HS6ST3: variants seen among roughly 807,000 people sequenced by gnomAD.
The protein encoded by HS6ST3 is heparan sulfate 6-O-sulfotransferase 3.
In HS6ST3, 12 loss-of-function variants were observed where a neutral mutation model predicts 36.7. The observed-to-expected ratio is 0.33, with a 90% confidence interval of 0.21 to 0.53. The LOEUF (loss-of-function observed/expected upper bound fraction) is 0.53, where lower values mean the gene tolerates loss of function less well. HS6ST3 is among the 20% of genes least tolerant of loss of function. The pLI is 0.95. For missense variants in HS6ST3, 584 were observed against 640.9 expected (o/e 0.91, Z 0.96); for synonymous variants, 240 against 257.5 (o/e 0.93, Z 0.65).
intron 1 of HS6ST3, among the ~76,000 whole-genome samples, chr13:96,260,597 C>A (rs2054661030): frequency 6.6e-6 from 1 of 151,308 alleles, no homozygotes; most frequent in Non-Finnish European, 1.5e-5. Flanking sequence ...GGATTACAGG[C>A]AGGAGCCACC....
chr13:96,247,869 G>A (rs943815056), intron 1 of HS6ST3, among the ~76,000 whole-genome samples: 2 of 152,074 alleles, frequency 1.3e-5, no homozygotes, highest in African/African-American at 4.8e-5. Context: ...GTTAATGTGA[G>A]GGTCATTTTA....
At chr13:96,697,933 G>A (rs1024864269) in intron 1 of HS6ST3, among the ~76,000 whole-genome samples, 6 of 151,984 alleles carry the variant, frequency 3.9e-5, no homozygotes, top group African/African-American at 7.3e-5. Flanking sequence ...GTTATCTTTC[G>A]GTGGCAAAGT....
intron 1 of HS6ST3, among the ~76,000 whole-genome samples, chr13:96,695,424 T>C (rs757894423): frequency 2.4e-4 from 37 of 152,156 alleles, no homozygotes; most frequent in Middle Eastern, 3.2e-3. Flanking sequence ...CGAAAGATTT[T>C]AGAAAGTACT....
At chr13:96,287,413 GA>G (rs914698948) in intron 1 of HS6ST3, among the ~76,000 whole-genome samples, 1 of 151,964 alleles carries the variant, frequency 6.6e-6, no homozygotes, top group African/African-American at 2.4e-5. Flanking sequence ...GCTATTTTAA[GA>G]TATTTAAAGA....
At chr13:96,644,403 G>A (rs1423469199) in intron 1 of HS6ST3, among the ~76,000 whole-genome samples, 1 of 151,934 alleles carries the variant, frequency 6.6e-6, no homozygotes, top group Non-Finnish European at 1.5e-5. Flanking sequence ...GGTATATGAA[G>A]CCCCAGTGAG....
intron 1 of HS6ST3, among the ~76,000 whole-genome samples, chr13:96,440,098 G>C (rs963439802): frequency 6.6e-6 from 1 of 152,130 alleles, no homozygotes; most frequent in African/African-American, 2.4e-5. Context: ...GTGTATGTTT[G>C]TTTGTTTGTT....
chr13:96,486,031 C>G lies in HS6ST3; in HGVS notation c.708-346459C>G, dbSNP rs576017823. Among the ~76,000 whole-genome samples, 964 of 116,834 alleles carry G rather than the reference C, an allele frequency of 8.3e-3. 16 individuals are homozygous for G. Among genetic ancestry groups the G allele is most frequent in the African/African-American group, 0.032 (933 of 29,440 alleles). 76.6% of individuals were successfully genotyped at this position (116,834 alleles called of 152,430 possible). ...CCTCCCCCCTCCCCCCACCCCACAA[C>G]AGGCCCCGGTGTGTGATGTTCCCCT... On this transcript the variant is annotated intron_variant, in intron 1 of 1. Transcript: ENST00000376705.
At chr13:96,545,892 G>A (rs1026051896) in intron 1 of HS6ST3, among the ~76,000 whole-genome samples, 1 of 152,108 alleles carries the variant, frequency 6.6e-6, no homozygotes, top group African/African-American at 2.4e-5. Flanking sequence ...AATGTCTGCT[G>A]AACTCTACAT....
chr13:96,459,720 T>G (rs558944275), intron 1 of HS6ST3, among the ~76,000 whole-genome samples: 1 of 152,202 alleles, frequency 6.6e-6, no homozygotes, highest in Admixed American at 6.5e-5. Context: ...GTACACACAT[T>G]AGCTACAGCT....
chr13:96,750,664 C>T (rs1349551249), intron 1 of HS6ST3, among the ~76,000 whole-genome samples: 1 of 152,152 alleles, frequency 6.6e-6, no homozygotes, highest in Non-Finnish European at 1.5e-5. Context: ...AGTCTGACCC[C>T]TATGCCTTCT....
At chr13:96,468,473 CACAT>C (rs55886509) in intron 1 of HS6ST3, among the ~76,000 whole-genome samples, 35,785 of 95,626 alleles carry the variant, frequency 0.37, 5,080 homozygotes, top group Non-Finnish European at 0.46. Flanking sequence ...AGGACATACA[CACAT>C]ACACACACAC....
intron 1 of HS6ST3, among the ~76,000 whole-genome samples, chr13:96,823,576 C>T (rs979270793): frequency 6.6e-6 from 1 of 151,944 alleles, no homozygotes; most frequent in African/African-American, 2.4e-5. Flanking sequence ...ATATATTTAA[C>T]TGTGCCTATG....
At chr13:96,553,784 T>A (rs1258660620) in intron 1 of HS6ST3, among the ~76,000 whole-genome samples, 4 of 152,190 alleles carry the variant, frequency 2.6e-5, no homozygotes, top group Non-Finnish European at 4.4e-5. Flanking sequence ...GTGCTTAGTT[T>A]TACACAGGGT....
intron 1 of HS6ST3, among the ~76,000 whole-genome samples, chr13:96,741,123 T>C (rs1006247109): frequency 6.6e-6 from 1 of 152,222 alleles, no homozygotes; most frequent in African/African-American, 2.4e-5. Flanking sequence ...CAGAAATGTC[T>C]TCTTTTAGAA....
chr13:96,700,685 T>C (rs1276251450), intron 1 of HS6ST3, among the ~76,000 whole-genome samples: 2 of 152,226 alleles, frequency 1.3e-5, no homozygotes, highest in Non-Finnish European at 2.9e-5. Flanking sequence ...ACACTGTGTC[T>C]GGGTCTGTGT....
intron 1 of HS6ST3, among the ~76,000 whole-genome samples, chr13:96,223,277 C>T (rs776276328): frequency 4.6e-5 from 7 of 152,288 alleles, no homozygotes; most frequent in East Asian, 1.9e-4. Flanking sequence ...TTCTGCAATA[C>T]GAAACATGAT....
In HS6ST3 at chr13:96,657,000, A is replaced by T. The variant is rs9516731; in HGVS notation, c.708-175490A>T. 6.8e-3 allele frequency among the ~76,000 whole-genome samples: 704 copies of T among 102,778 alleles called. 2 individuals carry two copies. The highest frequency in any genetic ancestry group is 0.026 in the African/African-American group (552 of 21,582). 67.4% of individuals were successfully genotyped at this position (102,778 alleles called of 152,430 possible). A position where few individuals can be genotyped will look rare whatever the true frequency, so the allele number is the denominator to read the frequency against. On this transcript the variant is annotated intron_variant, in intron 1 of 1. Transcript: ENST00000376705. Reference sequence around the variant, plus strand: ...GTGTGTGTGTGTGTGTGTGTGTGTGAGAGAGAGAGAGAGAGAGAGAGAGAA... The same window carrying T: ...GTGTGTGTGTGTGTGTGTGTGTGTGTGAGAGAGAGAGAGAGAGAGAGAGAA...
At chr13:96,578,739 T>C (rs1469862534) in intron 1 of HS6ST3, among the ~76,000 whole-genome samples, 3 of 152,072 alleles carry the variant, frequency 2.0e-5, no homozygotes, top group African/African-American at 7.2e-5. Flanking sequence ...TTTTTGTTTT[T>C]AGTAGAGATG....
chr13:96,105,606 C>T lies in HS6ST3; in HGVS notation c.707+14037C>T, dbSNP rs188220419. ...CGGAAGTTGCAGTGAGCTGAAATCG[C>T]GCCACTGCACTCCAGCCTGGGTGAC... On this transcript the variant is annotated intron_variant, in intron 1 of 1. Transcript: ENST00000376705. Among the ~76,000 whole-genome samples, 20 of 152,038 alleles carry T rather than the reference C, an allele frequency of 1.3e-4. No homozygotes were observed. In the East Asian group the frequency reaches 1.7e-3, roughly 13 times the overall value.
Sources: allele counts gnomAD v4.1 joint callset (sites outside exome capture counted in the v4.1 genomes callset), GRCh38; gene constraint gnomAD v4.1.1; transcripts MANE v1.5; gene names NCBI Gene and HGNC (gene_info 2026-07-23, HGNC 2026-07-21).